VPS13A: variants seen among roughly 807,000 people sequenced by gnomAD.
VPS13A encodes vacuolar protein sorting 13 homolog A.
In VPS13A, 264 loss-of-function variants were observed where a neutral mutation model predicts 390.9. The observed-to-expected ratio is 0.68, with a 90% confidence interval of 0.61 to 0.75. The LOEUF (loss-of-function observed/expected upper bound fraction) is 0.75, where lower values mean the gene tolerates loss of function less well. VPS13A is among the 30% of genes least tolerant of loss of function. The pLI is 0.00. For missense variants in VPS13A, 3,409 were observed against 3,733.9 expected (o/e 0.91, Z 2.27); for synonymous variants, 1,231 against 1,227.1 (o/e 1.00, Z -0.07).
At chr9:77,324,293 T>C (rs902528175) in intron 45 of VPS13A, among the ~76,000 whole-genome samples, 4 of 152,220 alleles carry the variant, frequency 2.6e-5, no homozygotes, top group Admixed American at 2.6e-4. Context: ...TTATATTGCC[T>C]ATCACACTGG....
At chr9:77,314,265 T>C (rs1829253394) in intron 36 of VPS13A, 146 bp downstream of exon 36, 1 of 958,930 alleles carries the variant, frequency 1.0e-6, no homozygotes, top group African/African-American at 1.7e-5. Flanking sequence ...TTAATAATAA[T>C]TATAACTATT....
intron 5 of VPS13A, among the ~76,000 whole-genome samples, chr9:77,207,258 G>T (rs546551983): frequency 2.0e-5 from 1 of 50,444 alleles, no homozygotes; most frequent in Admixed American, 3.1e-4. Flanking sequence ...TATATAAAAC[G>T]TGTTATATGT....
chr9:77,381,858 A>G, intron 67 of VPS13A, 118 bp from the exon 68 acceptor site: 1 of 686,016 alleles, frequency 1.5e-6, no homozygotes, highest in Non-Finnish European at 2.5e-6. Context: ...ATTTAAAATT[A>G]GAGAATGTTG....
At chr9:77,185,074 TTGTGACTGACA>T (rs1281860956) in intron 1 of VPS13A, among the ~76,000 whole-genome samples, 2 of 152,144 alleles carry the variant, frequency 1.3e-5, no homozygotes, top group Non-Finnish European at 2.9e-5. Flanking sequence ...AGCCTGCGAC[TTGTGACTGACA>T]TCTGAAGTGA....
chr9:77,268,510 C>T (rs1031835556), intron 23 of VPS13A, among the ~76,000 whole-genome samples: 5 of 152,180 alleles, frequency 3.3e-5, no homozygotes, highest in East Asian at 1.9e-4. Flanking sequence ...TGAGATGAGC[C>T]GGGTACCTCA....
At chr9:77,414,153 A>G (rs970182548) in intron 71 of VPS13A, among the ~76,000 whole-genome samples, 3 of 152,252 alleles carry the variant, frequency 2.0e-5, no homozygotes, top group African/African-American at 4.8e-5. Flanking sequence ...AGTGTAAACT[A>G]GTTCAACCAT....
chr9:77,404,737 G>T (rs1219919585), intron 69 of VPS13A, among the ~76,000 whole-genome samples: 2 of 152,218 alleles, frequency 1.3e-5, no homozygotes, highest in Admixed American at 6.5e-5. Flanking sequence ...TTATACTTGA[G>T]ATTCCCTTTC....
intron 19 of VPS13A, among the ~76,000 whole-genome samples, chr9:77,245,730 T>C (rs1224236478): frequency 6.6e-6 from 1 of 152,158 alleles, no homozygotes; most frequent in African/African-American, 2.4e-5. Flanking sequence ...TTGATAACAG[T>C]TTCTCATATT....
In VPS13A at chr9:77,318,359, C is replaced by G; in HGVS notation, c.5081C>G (p.Thr1694Ser). ...TTATGGGAAAAGAAGGATACAAAGA[C>G]TTTAAAAATGTGGTTTCTTGAAGAA... Reference protein sequence around the residue: ...AHLWEKKDTKTLKMWFLEESN... With the variant: ...AHLWEKKDTKSLKMWFLEESN... The change falls in exon 41 of 72, where the codon ACT (threonine) becomes AGT (serine). Residue 1694 changes from threonine to serine, a missense_variant. Around this residue, in one of 5 missense-constraint regions of VPS13A, gnomAD observed 2,717 missense variants for 2,917.4 expected, o/e 0.93. Coordinates refer to ENST00000360280, the MANE Select transcript of VPS13A (RefSeq NM_033305.3). The G allele has an allele frequency of 4.3e-6, 7 of 1,613,744 alleles. No individual in the cohort carries two copies. The highest frequency in any genetic ancestry group is 5.9e-6 in the Non-Finnish European group (7 of 1,179,850).
chr9:77,271,615 A>G (rs1826357813), intron 23 of VPS13A, among the ~76,000 whole-genome samples: 1 of 152,150 alleles, frequency 6.6e-6, no homozygotes, highest in African/African-American at 2.4e-5. Context: ...ACAGTAGACT[A>G]CTACTCAGGA....
chr9:77,382,207 A>G, intron 68 of VPS13A, 120 bp downstream of exon 68: 2 of 1,364,042 alleles, frequency 1.5e-6, no homozygotes, highest in Non-Finnish European at 9.8e-7. Flanking sequence ...AATTCCACTT[A>G]TAAGTTTCTT....
Position 77,219,996 on chromosome 9 carries a change from G to A in VPS13A, c.797G>A (p.Arg266His), listed in dbSNP as rs1218251095. 26 of 1,613,026 alleles carry A rather than the reference G, an allele frequency of 1.6e-5. No homozygotes were observed. Among genetic ancestry groups the A allele is most frequent in the East Asian group, 6.7e-5 (3 of 44,826 alleles). The change falls in exon 11 of 72, where the codon CGC becomes CAC. Residue 266 changes from arginine to histidine, a missense_variant. Transcript: ENST00000360280. ...ISANAKLVMN[R>H]RSDFDFSAPK... ...GCTAATGCCAAACTTGTGATGAATCGCCGATCTGATTTTGACTTTTCTGCC... is the reference window on the plus strand; with the variant it reads ...GCTAATGCCAAACTTGTGATGAATCACCGATCTGATTTTGACTTTTCTGCC...
chr9:77,412,551 A>T lies in VPS13A; in HGVS notation c.9475-3405A>T, dbSNP rs1001265037. Among the ~76,000 whole-genome samples the T allele has an allele frequency of 2.0e-4, 31 of 152,236 alleles. 1 individual carries two copies. The highest frequency in any genetic ancestry group is 1.9e-3 in the Admixed American group (29 of 15,284). On this transcript the variant is annotated intron_variant, in intron 71 of 71. Transcript: ENST00000360280. ...CTTTGACGAAATTCAACAACCCTTCATCCTAAAAACTCTCAATAAATTAAT... is the reference window on the plus strand; with the variant it reads ...CTTTGACGAAATTCAACAACCCTTCTTCCTAAAAACTCTCAATAAATTAAT...
chr9:77,303,155 T>G (rs1266984946), intron 34 of VPS13A, 93 bp downstream of exon 34: 3 of 1,296,256 alleles, frequency 2.3e-6, no homozygotes, highest in Non-Finnish European at 3.3e-6. Flanking sequence ...AATTTGTATA[T>G]ACATAATCAC....
Position 77,293,421 on chromosome 9 carries a change from A to C in VPS13A, c.3420A>C (p.Thr1140=). The C allele has an allele frequency of 1.2e-6, 2 of 1,612,368 alleles. No homozygotes were observed. The highest frequency in any genetic ancestry group is 2.2e-5 in the East Asian group (1 of 44,706). ...ATGCAACTGCTGGTTCTGCATACAC[A>C]GATATGAATGTGGTTGACATTCAGG... The part of the protein sequence containing the change: ...YMDATAGSAY[T]DMNVVDIQVN... Residue 1140 remains threonine (T), a synonymous_variant, in exon 32 of 72, where the codon ACA becomes ACC. Coordinates refer to ENST00000360280, the MANE Select transcript of VPS13A (RefSeq NM_033305.3).
At chr9:77,351,243 T>G in intron 52 of VPS13A, 74 bp from the exon 53 acceptor site, 1 of 1,564,696 alleles carries the variant, frequency 6.4e-7, no homozygotes, top group Middle Eastern at 1.7e-4. Flanking sequence ...ATTAATGAAG[T>G]ATTATTTTAG....
At chr9:77,395,197 G>A (rs1360834649) in intron 68 of VPS13A, among the ~76,000 whole-genome samples, 15 of 152,154 alleles carry the variant, frequency 9.9e-5, no homozygotes, top group Admixed American at 9.8e-4. Context: ...TAAAGTGATA[G>A]ACATATAACT....
chr9:77,408,906 G>A (rs1834763332), intron 71 of VPS13A, among the ~76,000 whole-genome samples: 1 of 152,200 alleles, frequency 6.6e-6, no homozygotes, highest in African/African-American at 2.4e-5. Flanking sequence ...AGAATCCTCT[G>A]CAGACTTAAA....
Position 77,347,599 on chromosome 9 carries a change from T to C in VPS13A, c.7289+2457T>C, listed in dbSNP as rs564387899. ...TCAAGTGATTCTCATGCCTCAGCCTTCCAAGTAGCTGGGTTTACAGGCATG... is the reference window on the plus strand; with the variant it reads ...TCAAGTGATTCTCATGCCTCAGCCTCCCAAGTAGCTGGGTTTACAGGCATG... On this transcript the variant is annotated intron_variant, in intron 52 of 71. Transcript: ENST00000360280. Among the ~76,000 whole-genome samples, 5 of 152,108 alleles carry C rather than the reference T, an allele frequency of 3.3e-5. No homozygotes were observed. In the South Asian group the frequency reaches 1.0e-3, roughly 32 times the overall value.
Sources: allele counts gnomAD v4.1 joint callset (sites outside exome capture counted in the v4.1 genomes callset), GRCh38; gene constraint gnomAD v4.1.1; regional missense constraint gnomAD v4.1.1; transcripts MANE v1.5; gene names NCBI Gene and HGNC (gene_info 2026-07-23, HGNC 2026-07-21).